The following KLC1 variants were observed in gnomAD, a reference collection of about 807,000 sequenced individuals.
KLC1 encodes kinesin 2 60/70kDa.
In KLC1, 30 loss-of-function variants were observed where a neutral mutation model predicts 84.2. The observed-to-expected ratio is 0.36, with a 90% confidence interval of 0.27 to 0.48. KLC1 has a LOEUF of 0.48. KLC1 is among the 20% of genes least tolerant of loss of function. KLC1 has a pLI of 0.99. For missense variants in KLC1, 499 were observed against 805.4 expected, an observed-to-expected ratio of 0.62 and a Z score of 4.60; for synonymous variants, 289 against 293.3, an observed-to-expected ratio of 0.99 and a Z score of 0.15.
intron 1 of KLC1, among the ~76,000 whole-genome samples, chr14:103,644,711 T>C (rs1261614897): frequency 6.6e-6 from 1 of 152,074 alleles, no homozygotes; most frequent in Non-Finnish European, 1.5e-5. Flanking sequence ...CTGGGCAACA[T>C]AGTGAGACCC....
intron 15 of KLC1, chr14:103,696,115 A>G: frequency 1.8e-6 from 1 of 566,510 alleles, no homozygotes; most frequent in Non-Finnish European, 2.0e-6. Context: ...GCCCCCCCCC[A>G]CAGCAGCCGT....
In KLC1 at chr14:103,673,162, A is replaced by G. The variant is rs2080556777; in HGVS notation, c.1136A>G (p.Asn379Ser). 3.7e-6 allele frequency: 6 copies of G among 1,613,532 alleles called. No homozygotes were observed. Among genetic ancestry groups the G allele is most frequent in the Admixed American group, 3.3e-5 (2 of 59,870 alleles). The change falls in exon 8 of 17, where the codon AAC (asparagine) becomes AGC (serine). Residue 379 changes from asparagine to serine, a missense_variant. Physicochemically the swap from Asn to Ser is conservative, Grantham distance 46. Coordinates refer to ENST00000334553, the MANE Select transcript of KLC1 (RefSeq NM_001394837.1). Reference sequence around the variant, plus strand: ...ACAAAACTGGGACCTGATGACCCCAACGTGGCTAAGACGAAAAATAACCTG... The same window carrying G: ...ACAAAACTGGGACCTGATGACCCCAGCGTGGCTAAGACGAAAAATAACCTG... Reference protein sequence around the residue: ...YQTKLGPDDPNVAKTKNNLAS... With the variant: ...YQTKLGPDDPSVAKTKNNLAS...
chr14:103,698,861 G>T, intron 15 of KLC1: 1 of 1,607,832 alleles, frequency 6.2e-7, no homozygotes, highest in Non-Finnish European at 8.5e-7. Flanking sequence ...AGGAACAGGA[G>T]GAGGGGGGCA....
chr14:103,666,682 C>G (rs542758407), intron 5 of KLC1, among the ~76,000 whole-genome samples: 8 of 149,990 alleles, frequency 5.3e-5, no homozygotes, highest in Admixed American at 1.3e-4. Context: ...ACTGCAACCT[C>G]TGCCTCCCGG....
At chr14:103,642,426 A>G (rs1009733064) in intron 1 of KLC1, among the ~76,000 whole-genome samples, 1 of 152,174 alleles carries the variant, frequency 6.6e-6, no homozygotes. Flanking sequence ...GGTATTTTGT[A>G]CAATGTCCTT....
At position 103,701,090 on chromosome 14, in the gene KLC1, C is replaced by A. The variant is rs2083159771; in HGVS notation, c.*2-111C>A. On this transcript the variant is annotated intron_variant, in intron 16 of 16. Transcript: ENST00000334553. ...GGCTCACAACCAGCAACACCCTCTT[C>A]TCTAGGCAGACTTGGGGTGGGGGTT... is the stretch of plus-strand genomic sequence containing the variant. 5 of 1,363,468 alleles carry A rather than the reference C, an allele frequency of 3.7e-6. No individual in the cohort carries two copies. The Admixed American group carries it at 1.0e-4, about 27-fold the overall frequency. The allele number at this position is 1,363,468 out of a possible 1,614,324, so 84.5% of individuals were successfully genotyped here.
In KLC1 at chr14:103,694,523, A is replaced by G. The variant is rs2082310878; in HGVS notation, c.1848+2098A>G. Reference sequence around the variant, plus strand: ...TGGACTCTGACAGGAACCTTTTCAAATCAATGCTGAGGCTGTATTTCTTAG... The same window carrying G: ...TGGACTCTGACAGGAACCTTTTCAAGTCAATGCTGAGGCTGTATTTCTTAG... On this transcript the variant is annotated intron_variant, in intron 15 of 16. Coordinates refer to ENST00000334553, the MANE Select transcript of KLC1 (RefSeq NM_001394837.1). This position sits in a 1 kb window ranked among gnomAD's most constrained non-coding sequence, Gnocchi z 4.5. The G allele has an allele frequency of 3.0e-6, 3 of 985,352 alleles. No homozygotes were observed. Among genetic ancestry groups the G allele is most frequent in the South Asian group, 4.7e-5 (1 of 21,298 alleles). The allele number at this position is 985,352 out of a possible 1,614,324, so 61.0% of individuals were successfully genotyped here. A position where few individuals can be genotyped will look rare whatever the true frequency, so the allele number is the denominator to read the frequency against.
At chr14:103,681,684 C>G (rs573902694) in intron 13 of KLC1, among the ~76,000 whole-genome samples, 1 of 152,244 alleles carries the variant, frequency 6.6e-6, no homozygotes, top group South Asian at 2.1e-4. Flanking sequence ...GTCTCTAACT[C>G]CTGACCTCGT....
At chr14:103,696,008 C>T (rs2082444554) in intron 15 of KLC1, 2 of 985,192 alleles carry the variant, frequency 2.0e-6, no homozygotes, top group South Asian at 4.7e-5. Context: ...ATCCCTCCTC[C>T]TGTGTGTGGT....
chr14:103,698,812 TC>T, intron 15 of KLC1: 2 of 1,599,948 alleles, frequency 1.3e-6, no homozygotes, highest in African/African-American at 2.7e-5. Flanking sequence ...TGGGACTGGG[TC>T]CCAGGTGTCC....
chr14:103,641,548 C>G (rs1304043145), intron 1 of KLC1, among the ~76,000 whole-genome samples: 1 of 152,166 alleles, frequency 6.6e-6, no homozygotes, highest in Admixed American at 6.6e-5. Flanking sequence ...TAGATGTATT[C>G]TCACATGGTG....
intron 6 of KLC1, among the ~76,000 whole-genome samples, chr14:103,669,967 G>A (rs560171103): frequency 2.6e-5 from 4 of 152,274 alleles, no homozygotes; most frequent in South Asian, 4.1e-4. Flanking sequence ...TCAGGAATAC[G>A]TTGTTGATTT....
At chr14:103,685,010 G>A (rs1387179235) in intron 13 of KLC1, 22 of 1,323,222 alleles carry the variant, frequency 1.7e-5, no homozygotes, top group Non-Finnish European at 2.2e-5. Flanking sequence ...GCTCGGGCTG[G>A]TTAACTGACT....
At chr14:103,631,542 G>A (rs1214935048) in intron 1 of KLC1, among the ~76,000 whole-genome samples, 1 of 152,150 alleles carries the variant, frequency 6.6e-6, no homozygotes, top group African/African-American at 2.4e-5. Context: ...TGAAATGTAT[G>A]ATTAGTATCA....
chr14:103,684,776 C>T lies in KLC1; in HGVS notation c.1651-2305C>T. 7.1e-6 allele frequency: 4 copies of T among 564,084 alleles called. 1 individual carries two copies. In the South Asian group the frequency reaches 8.6e-5, roughly 12 times the overall value. 34.9% of individuals were successfully genotyped at this position (564,084 alleles called of 1,614,324 possible). On this transcript the variant is annotated intron_variant, in intron 13 of 16. Coordinates refer to ENST00000334553, the MANE Select transcript of KLC1 (RefSeq NM_001394837.1). ...TTTGAATCTGAGTGAAATGAATCTT[C>T]TGTGTTCTGCCAAGCATTTAGTTGA...
intron 14 of KLC1, among the ~76,000 whole-genome samples, chr14:103,690,942 T>C (rs1035099180): frequency 5.5e-4 from 83 of 152,220 alleles, no homozygotes; most frequent in Admixed American, 5.2e-4. Context: ...CTTCAGAGTT[T>C]ATTTTACTAA....
At chr14:103,657,435 A>G (rs2078920556) in intron 2 of KLC1, 111 bp from the exon 3 acceptor site, 4 of 742,332 alleles carry the variant, frequency 5.4e-6, no homozygotes. Flanking sequence ...TACTTTGGAG[A>G]AAATATCTGC....
intron 15 of KLC1, among the ~76,000 whole-genome samples, chr14:103,692,896 C>G (rs1243067423): frequency 1.3e-5 from 2 of 152,200 alleles, no homozygotes; most frequent in South Asian, 4.1e-4. Context: ...CTGAAGCACT[C>G]GGTGCAGTTG....
At chr14:103,631,201 C>G (rs1346936243) in intron 1 of KLC1, among the ~76,000 whole-genome samples, 1 of 151,994 alleles carries the variant, frequency 6.6e-6, no homozygotes, top group African/African-American at 2.4e-5. Flanking sequence ...CTGCCTCAAC[C>G]TACTGAGTAG....
Sources: allele counts gnomAD v4.1 joint callset (sites outside exome capture counted in the v4.1 genomes callset), GRCh38; gene constraint gnomAD v4.1.1; non-coding constraint Gnocchi (gnomAD v3.1); transcripts MANE v1.5; gene names NCBI Gene and HGNC (gene_info 2026-07-23, HGNC 2026-07-21).